SPMAP2L: variants seen among roughly 807,000 people sequenced by gnomAD.
SPMAP2L encodes sperm microtubule associated protein 2 like.
the SPMAP2L span, chr4:56,596,432 T>C: frequency 5.0e-6 from 7 of 1,409,698 alleles, no homozygotes; most frequent in Middle Eastern, 5.6e-4. Flanking sequence ...AATCATACTT[T>C]GTAATCTTGA....
chr4:56,563,158 T>A, the SPMAP2L span, among the ~76,000 whole-genome samples: 1 of 141,680 alleles, frequency 7.1e-6, no homozygotes, highest in African/African-American at 2.6e-5. Context: ...GGTGGTGTGA[T>A]CTTGGCTCAC....
At chr4:56,593,526 C>A in the SPMAP2L span, 3 of 1,597,488 alleles carry the variant, frequency 1.9e-6, no homozygotes, top group Non-Finnish European at 2.6e-6. Flanking sequence ...GCCTGGCCTG[C>A]TGTGTGTGCT....
At chr4:56,581,181 A>G in the SPMAP2L span, among the ~76,000 whole-genome samples, 1 of 152,172 alleles carries the variant, frequency 6.6e-6, no homozygotes, top group African/African-American at 2.4e-5. Context: ...TAGGCCAGGC[A>G]TGGTGGCTTA....
chr4:56,591,235 G>A, the SPMAP2L span, among the ~76,000 whole-genome samples: 1 of 152,042 alleles, frequency 6.6e-6, no homozygotes, highest in Admixed American at 6.6e-5. Context: ...CTTCCCCTTT[G>A]CTCTGTCTCC....
the SPMAP2L span, among the ~76,000 whole-genome samples, chr4:56,613,935 G>A: frequency 1.3e-5 from 2 of 152,152 alleles, no homozygotes; most frequent in African/African-American, 2.4e-5. Flanking sequence ...GACGAATAGC[G>A]CTGTCAGTGC....
chr4:56,590,799 G>T, the SPMAP2L span, among the ~76,000 whole-genome samples: 2 of 152,284 alleles, frequency 1.3e-5, no homozygotes, highest in Non-Finnish European at 2.9e-5. Context: ...GAAAGCAATG[G>T]TTGTCATATA....
At chr4:56,620,226 A>G in the SPMAP2L span, among the ~76,000 whole-genome samples, 1 of 152,240 alleles carries the variant, frequency 6.6e-6, no homozygotes, top group South Asian at 2.1e-4. Flanking sequence ...AGCCAGAATG[A>G]AACCTCTCTA....
chr4:56,616,626 G>A, the SPMAP2L span, among the ~76,000 whole-genome samples: 7 of 152,214 alleles, frequency 4.6e-5, no homozygotes, highest in African/African-American at 1.4e-4. Flanking sequence ...GGAGCAAAGT[G>A]AGCTAGTGGT....
At chr4:56,566,505 T>C in the SPMAP2L span, among the ~76,000 whole-genome samples, 1 of 151,786 alleles carries the variant, frequency 6.6e-6, no homozygotes, top group Non-Finnish European at 1.5e-5. Context: ...CCTGTTGCCT[T>C]CTTTTAAATT....
chr4:56,530,626 G>A, the SPMAP2L span: 44 of 1,505,732 alleles, frequency 2.9e-5, no homozygotes, highest in South Asian at 5.1e-4. Flanking sequence ...CTGCGCCTGG[G>A]CAACCAGTCG....
At chr4:56,604,013 G>A in the SPMAP2L span, among the ~76,000 whole-genome samples, 820 of 152,210 alleles carry the variant, frequency 5.4e-3, 9 homozygotes, top group African/African-American at 0.018. Flanking sequence ...TCTCTCTATA[G>A]ATCAGTATTT....
the SPMAP2L span, chr4:56,593,484 G>C: frequency 3.1e-6 from 5 of 1,596,460 alleles, no homozygotes; most frequent in African/African-American, 1.3e-5. Flanking sequence ...AAGACTTTAC[G>C]GAACTCGTGG....
the SPMAP2L span, among the ~76,000 whole-genome samples, chr4:56,572,632 C>T: frequency 6.6e-6 from 1 of 152,130 alleles, no homozygotes; most frequent in Admixed American, 6.5e-5. Context: ...CTTTTTGTTT[C>T]TCTCTCTTAA....
At chr4:56,543,100 C>CTT in the SPMAP2L span, among the ~76,000 whole-genome samples, 382 of 143,978 alleles carry the variant, frequency 2.7e-3, 2 homozygotes, top group African/African-American at 9.2e-3. Context: ...TTATGTTTTG[C>CTT]TTTTTTTTTT....
the SPMAP2L span, chr4:56,593,709 C>T: frequency 6.3e-7 from 1 of 1,585,206 alleles, no homozygotes. Flanking sequence ...ATGGTGGGGG[C>T]AACAAGAGAC....
At chr4:56,581,633 A>G in the SPMAP2L span, among the ~76,000 whole-genome samples, 1 of 151,634 alleles carries the variant, frequency 6.6e-6, no homozygotes, top group African/African-American at 2.4e-5. Context: ...AAAAAAAAAG[A>G]ATAATTCCAG....
chr4:56,564,606 T>A, the SPMAP2L span, among the ~76,000 whole-genome samples: 3 of 152,214 alleles, frequency 2.0e-5, no homozygotes, highest in Admixed American at 2.0e-4. Flanking sequence ...TGGCTAGAGA[T>A]CTATCAGTTT....
At chr4:56,538,439 G>A in the SPMAP2L span, among the ~76,000 whole-genome samples, 12 of 152,178 alleles carry the variant, frequency 7.9e-5, no homozygotes, top group African/African-American at 9.7e-5. Context: ...TCCTGTCCAT[G>A]CTACCTAAAG....
the SPMAP2L span, among the ~76,000 whole-genome samples, chr4:56,535,082 G>A: frequency 2.6e-5 from 4 of 152,104 alleles, no homozygotes; most frequent in Admixed American, 6.5e-5. Context: ...AAAAACCTTA[G>A]CATCATTCTT....
Sources: gnomAD v4.1 joint callset for allele counts (sites outside exome capture counted in the v4.1 genomes callset) on GRCh38, gnomAD v4.1.1 for gene constraint, MANE v1.5 for transcripts, NCBI Gene and HGNC (gene_info 2026-07-23, HGNC 2026-07-21) for gene names.